MINDY1: variants seen among roughly 807,000 people sequenced by gnomAD.
MINDY1 encodes the protein ubiquitin carboxyl-terminal hydrolase MINDY-1.
In MINDY1, 50 loss-of-function variants were observed where a neutral mutation model predicts 53.6. The observed-to-expected ratio is 0.93, with a 90% CI of 0.74 to 1.18. The LOEUF is 1.18. MINDY1 is among the 50% of genes most tolerant of loss of function. The pLI, the probability that MINDY1 is intolerant of heterozygous loss-of-function variation, is 0.00. For synonymous variants in MINDY1, 231 were observed against 234.7 expected (o/e 0.98, Z 0.14); for missense variants, 484 against 578.6 (o/e 0.84, Z 1.68).
At chr1:151,000,049 G>T (rs1672366184) in intron 5 of MINDY1, 85 bp from the exon 6 acceptor site, 3 of 1,005,788 alleles carry the variant, frequency 3.0e-6, no homozygotes, top group Admixed American at 4.3e-5. Flanking sequence ...AAGCTCACAA[G>T]GACTACAACC....
Position 150,999,463 on chromosome 1 carries a change from T to C in MINDY1, c.887A>G (p.Tyr296Cys). The C allele has an allele frequency of 1.2e-6, 2 of 1,614,182 alleles. No individual in the cohort carries two copies. Among genetic ancestry groups the C allele is most frequent in the South Asian group, 2.2e-5 (2 of 91,084 alleles). ...FLETTAAQLT[Y>C]HGLCELTAAA... is the part of the protein sequence containing the mutation. ...TGCTGTCAGCTCACACAGTCCGTGGTAGGTCAGCTGGGCCGCGGTGGTCTC... is the reference window on the plus strand; with the variant it reads ...TGCTGTCAGCTCACACAGTCCGTGGCAGGTCAGCTGGGCCGCGGTGGTCTC... The change falls in exon 7 of 10, where the codon TAC (tyrosine) becomes TGC (cysteine). Residue 296 changes from tyrosine (Y) to cysteine (C), a missense_variant. Tyr to Cys is a radical substitution (Grantham distance 194). Transcript: ENST00000683666. This position sits in a 1 kb window ranked among gnomAD's most constrained non-coding sequence, Gnocchi z 4.4.
At chr1:151,000,015 C>A (rs745427856) in intron 5 of MINDY1, 51 bp from the exon 6 acceptor site, 5 of 1,379,982 alleles carry the variant, frequency 3.6e-6, no homozygotes, top group Non-Finnish European at 4.1e-6. Context: ...ATTTTTTTTT[C>A]TTTTTTAAGG....
rs1004040283 is a variant in MINDY1 at position 151,002,811 on chromosome 1, T to G, written c.-89-105A>C. Reference sequence around the variant, plus strand: ...GGCTGGCTAGTGTTTGTGCAGTAACTCCTGGCTATGGGCAGTATATGTGTA... The same window carrying G: ...GGCTGGCTAGTGTTTGTGCAGTAACGCCTGGCTATGGGCAGTATATGTGTA... On this transcript the variant is annotated intron_variant, in intron 1 of 9. Coordinates refer to ENST00000683666, the MANE Select transcript of MINDY1 (RefSeq NM_001376665.1). The surrounding 1 kb of genome is among the most constrained non-coding windows in gnomAD (Gnocchi z 4.1). 10 of 1,460,804 alleles carry G rather than the reference T, an allele frequency of 6.8e-6. No homozygotes were observed. In the African/African-American group the frequency reaches 1.3e-4, roughly 19 times the overall value. 90.5% of individuals were successfully genotyped at this position (1,460,804 alleles called of 1,614,324 possible). A position where few individuals can be genotyped will look rare whatever the true frequency, so the allele number is the denominator to read the frequency against.
chr1:150,998,599 G>A (rs1672148758), intron 7 of MINDY1, among the ~76,000 whole-genome samples: 1 of 152,132 alleles, frequency 6.6e-6, no homozygotes, highest in Non-Finnish European at 1.5e-5. Flanking sequence ...CTCATGATCT[G>A]CCCGCCTCGG....
rs369199311 is a variant in MINDY1 at position 151,001,768 on chromosome 1, C to T, written c.468G>A (p.Pro156=). ...CATCCGATGTGATCACTTCCTTCTG[C>T]GGGGGGAGCTTCACCTGGAGGCAGA... ...LFLQWKVKLP[P]QKEVITSDEL... is the part of the protein sequence containing the mutation. The change falls in exon 3 of 10, where the codon CCG becomes CCA. Residue 156 remains proline (P), a synonymous_variant. Coordinates refer to ENST00000683666, the MANE Select transcript of MINDY1 (RefSeq NM_001376665.1). 69 of 1,598,588 alleles carry T rather than the reference C, an allele frequency of 4.3e-5. No individual in the cohort carries two copies. The highest frequency in any genetic ancestry group is 1.6e-4 in the Admixed American group (9 of 55,296).
rs1196635943 is a variant in MINDY1, at chr1:151,002,397, C to G, written c.221G>C (p.Ser74Thr). The G allele has an allele frequency of 6.2e-7, 1 of 1,614,178 alleles. No individual in the cohort carries two copies. Among genetic ancestry groups the G allele is most frequent in the Non-Finnish European group, 8.5e-7 (1 of 1,180,022 alleles). ...AAGGGTTGGCCCCGGTGGAGCTGAG[C>G]TAGCTTCAGGCAGAGGGGACTCAAG... ...DNLESPLPEA[S>T]SAPPGPTLGT... is the part of the protein sequence containing the mutation. Residue 74 changes from serine (S) to threonine (T), a missense_variant, in exon 2 of 10, where the codon AGC (serine) becomes ACC (threonine). Ser to Thr is a moderately conservative substitution (Grantham distance 58, BLOSUM62 1). Coordinates refer to ENST00000683666, the MANE Select transcript of MINDY1 (RefSeq NM_001376665.1). This position sits in a 1 kb window ranked among gnomAD's most constrained non-coding sequence, Gnocchi z 4.1.
intron 8 of MINDY1, 31 bp from the exon 9 acceptor site, chr1:150,997,810 G>T: frequency 6.3e-7 from 1 of 1,592,956 alleles, no homozygotes. Context: ...GCAGTGGGCT[G>T]AGGCCCAGAG....
Position 151,006,444 on chromosome 1 carries a change from AG to A in MINDY1, c.-223del. 8.2e-7 allele frequency: 1 copy of A among 1,221,670 alleles called. No homozygotes were observed. Among genetic ancestry groups the A allele is most frequent in the South Asian group, 2.0e-5 (1 of 49,998 alleles). The allele number at this position is 1,221,670 out of a possible 1,614,324, so 75.7% of individuals were successfully genotyped here. On this transcript the variant is annotated 5_prime_UTR_variant, in exon 1 of 10. Transcript: ENST00000683666. Reference sequence around the variant, plus strand: ...CAGCTGTCAACGCCTGAGCTTATACAGGTTTACACAGCTTTATAAGCGACGG... The same window carrying A: ...CAGCTGTCAACGCCTGAGCTTATACAGTTTACACAGCTTTATAAGCGACGG...
chr1:151,000,006 T>C, intron 5 of MINDY1, 42 bp from the exon 6 acceptor site: 1 of 1,437,006 alleles, frequency 7.0e-7, no homozygotes, highest in Non-Finnish European at 9.7e-7. Flanking sequence ...AAAATTGGGA[T>C]TTTTTTTTCT....
Position 151,000,508 on chromosome 1 carries a change from GA to G in MINDY1, c.683del (p.Val228AlafsTer5). 1 of 1,613,966 alleles carries G rather than the reference GA, an allele frequency of 6.2e-7. No homozygotes were observed. The highest frequency in any genetic ancestry group is 1.1e-5 in the South Asian group (1 of 91,056). ...SDFEYTPECS[V>X]FDLLGIPLYH... is the part of the protein sequence containing the mutation. ...ACAGAGGTATGCCTAGCAGGTCAAA[GA>G]CACTGCACTCGGGTGTATACTCAAA... On this transcript the variant is annotated frameshift_variant, in exon 5 of 10. Transcript: ENST00000683666. LOFTEE classifies it high-confidence loss of function.
chr1:150,999,415 C>G lies in MINDY1; in HGVS notation c.935G>C (p.Ser312Thr), dbSNP rs1571716244. Reference protein sequence around the residue: ...LTAAAKEGELSVFFRNNHFST... With the variant: ...LTAAAKEGELTVFFRNNHFST... Reference sequence around the variant, plus strand: ...AAAGTGGTTGTTTCGGAAAAAGACGCTAAGTTCACCCTCCTTAGCAGCTGC... The same window carrying G: ...AAAGTGGTTGTTTCGGAAAAAGACGGTAAGTTCACCCTCCTTAGCAGCTGC... Residue 312 changes from serine (S) to threonine (T), a missense_variant, in exon 7 of 10, where the codon AGC becomes ACC. Ser to Thr is a moderately conservative substitution (Grantham distance 58). Coordinates refer to ENST00000683666, the MANE Select transcript of MINDY1 (RefSeq NM_001376665.1). The surrounding 1 kb of genome is among the most constrained non-coding windows in gnomAD (Gnocchi z 4.4). 6.2e-7 allele frequency: 1 copy of G among 1,614,150 alleles called. No homozygotes were observed. Among genetic ancestry groups the G allele is most frequent in the Admixed American group, 1.7e-5 (1 of 60,020 alleles).
In MINDY1 at chr1:150,997,896, A is replaced by C. The variant is rs1447282572; in HGVS notation, c.1174-117T>G. 4.8e-6 allele frequency: 6 copies of C among 1,243,334 alleles called. No individual in the cohort carries two copies. In the Admixed American group the frequency reaches 1.5e-4, roughly 31 times the overall value. 77.0% of individuals were successfully genotyped at this position (1,243,334 alleles called of 1,614,324 possible). ...ATTCTCTAGCTCTTTCTCCCCACAG[A>C]GCAGCACACACAGCCAAATGCATTA... On this transcript the variant is annotated intron_variant, in intron 8 of 9. Transcript: ENST00000683666.
intron 1 of MINDY1, among the ~76,000 whole-genome samples, chr1:151,004,528 G>A (rs995209762): frequency 2.6e-5 from 4 of 151,786 alleles, no homozygotes; most frequent in Non-Finnish European, 2.9e-5. Flanking sequence ...TCAGGAGATC[G>A]AGACCATCCT....
chr1:151,000,504 C>G lies in MINDY1; in HGVS notation c.688G>C (p.Asp230His), dbSNP rs779453457. Reference protein sequence around the residue: ...FEYTPECSVFDLLGIPLYHGW... With the variant: ...FEYTPECSVFHLLGIPLYHGW... ...TGGTACAGAGGTATGCCTAGCAGGT[C>G]AAAGACACTGCACTCGGGTGTATAC... The change falls in exon 5 of 10, where the codon GAC (aspartate) becomes CAC (histidine). Residue 230 changes from aspartate to histidine, a missense_variant. By Grantham distance (81) the Asp-to-His change is moderately conservative. Transcript: ENST00000683666. 1.2e-6 allele frequency: 2 copies of G among 1,613,858 alleles called. No homozygotes were observed. The highest frequency in any genetic ancestry group is 1.7e-6 in the Non-Finnish European group (2 of 1,179,986).
In MINDY1 at chr1:151,006,601, C is replaced by T. The variant is rs181797952; in HGVS notation, c.-379G>A. 1.9e-5 allele frequency: 19 copies of T among 989,692 alleles called. No individual in the cohort carries two copies. The East Asian group carries it at 1.2e-3, about 64-fold the overall frequency. The allele number at this position is 989,692 out of a possible 1,614,324, so 61.3% of individuals were successfully genotyped here. ...AGAGTCTTCAGGATTCCTGAGTCGCCGAGTCTATGGCATGCGCTCCGGGCC... is the reference window on the plus strand; with the variant it reads ...AGAGTCTTCAGGATTCCTGAGTCGCTGAGTCTATGGCATGCGCTCCGGGCC... On this transcript the variant is annotated 5_prime_UTR_variant, in exon 1 of 10. Coordinates refer to ENST00000683666, the MANE Select transcript of MINDY1 (RefSeq NM_001376665.1).
At position 151,002,355 on chromosome 1, in the gene MINDY1, A is replaced by C; in HGVS notation, c.263T>G (p.Val88Gly). 1 of 1,614,112 alleles carries C rather than the reference A, an allele frequency of 6.2e-7. No individual in the cohort carries two copies. The highest frequency in any genetic ancestry group is 8.5e-7 in the Non-Finnish European group (1 of 1,180,018). Residue 88 changes from valine (V) to glycine (G), a missense_variant, in exon 2 of 10, where the codon GTA becomes GGA. Transcript: ENST00000683666. The surrounding 1 kb of genome is among the most constrained non-coding windows in gnomAD (Gnocchi z 4.1). ...PGPTLGTLPE[V>G]ETIRACSMPQ... is the part of the protein sequence containing the mutation. ...CATGGAGCATGCCCTTATTGTCTCTACTTCAGGCAGTGTCCCAAGGGTTGG... is the reference window on the plus strand; with the variant it reads ...CATGGAGCATGCCCTTATTGTCTCTCCTTCAGGCAGTGTCCCAAGGGTTGG...
intron 8 of MINDY1, 39 bp downstream of exon 8, chr1:150,998,043 A>C: frequency 6.4e-7 from 1 of 1,563,884 alleles, no homozygotes; most frequent in South Asian, 1.2e-5. Flanking sequence ...TCTCTGAGGC[A>C]CATGTGCTCT....
rs1299745944 is a variant in MINDY1 at position 150,999,561 on chromosome 1, A to C, written c.839-50T>G. 1 of 1,607,582 alleles carries C rather than the reference A, an allele frequency of 6.2e-7. No individual in the cohort carries two copies. The highest frequency in any genetic ancestry group is 2.2e-5 in the East Asian group (1 of 44,832). ...GAAACTTGGCTTAAATTCAAGGTCC[A>C]CAACAGGAAGGACCATCCAGAGAGC... On this transcript the variant is annotated intron_variant, in intron 6 of 9. Transcript: ENST00000683666. The surrounding 1 kb of genome is among the most constrained non-coding windows in gnomAD (Gnocchi z 4.4).
chr1:151,004,205 G>A (rs1013417030), intron 1 of MINDY1, among the ~76,000 whole-genome samples: 3 of 152,132 alleles, frequency 2.0e-5, no homozygotes, highest in African/African-American at 2.4e-5. Context: ...TTACAGGCAT[G>A]AGCCACCGTG....
Sources: allele counts gnomAD v4.1 joint callset (sites outside exome capture counted in the v4.1 genomes callset), GRCh38; gene constraint gnomAD v4.1.1; non-coding constraint Gnocchi (gnomAD v3.1); transcripts MANE v1.5; gene names NCBI Gene and HGNC (gene_info 2026-07-23, HGNC 2026-07-21).